The following PDE1A variants were observed in gnomAD, a reference collection of about 807,000 sequenced individuals.
PDE1A encodes the protein dual specificity calcium/calmodulin-dependent 3',5'-cyclic nucleotide phosphodiesterase 1A.
Under a neutral mutation model 61.7 loss-of-function variants are expected in PDE1A, and 35 were observed. That is an observed-to-expected ratio of 0.57 (90% CI 0.43 to 0.75). The LOEUF is 0.75. PDE1A is among the 30% of genes least tolerant of loss of function. The pLI is 0.00. For synonymous variants in PDE1A, 232 were observed against 213.2 expected (o/e 1.09, Z -0.77); for missense variants, 597 against 630.6 (o/e 0.95, Z 0.57).
intron 7 of PDE1A, among the ~76,000 whole-genome samples, chr2:182,220,786 C>T (rs17457344): frequency 0.034 from 5,183 of 152,078 alleles, 143 homozygotes; most frequent in South Asian, 0.093. Context: ...AAAAAACACT[C>T]TCAATCCAAG....
intron 2 of PDE1A, among the ~76,000 whole-genome samples, chr2:182,240,510 G>A (rs1463604625): frequency 6.6e-6 from 1 of 152,118 alleles, no homozygotes; most frequent in Non-Finnish European, 1.5e-5. Flanking sequence ...ATAGACTTGA[G>A]CATTTGCAGC....
At chr2:182,267,738 A>G (rs549110399) in intron 1 of PDE1A, among the ~76,000 whole-genome samples, 1 of 152,216 alleles carries the variant, frequency 6.6e-6, no homozygotes, top group South Asian at 2.1e-4. Flanking sequence ...CAAATTATAT[A>G]TACAACAATC....
downstream of PDE1A, among the ~76,000 whole-genome samples, chr2:182,166,492 C>G (rs1456376538): frequency 6.6e-6 from 1 of 152,084 alleles, no homozygotes; most frequent in African/African-American, 2.4e-5. Context: ...AACAGCCTCC[C>G]GGGAAGGGGG....
At chr2:182,467,043 C>A (rs1308274744) in intron 2 of PDE1A, among the ~76,000 whole-genome samples, 2 of 149,396 alleles carry the variant, frequency 1.3e-5, no homozygotes, top group East Asian at 2.0e-4. Flanking sequence ...GTATGCATAG[C>A]TTATATCTTG....
intron 1 of PDE1A, among the ~76,000 whole-genome samples, chr2:182,316,961 G>A (rs745671220): frequency 3.3e-5 from 5 of 152,090 alleles, no homozygotes; most frequent in Admixed American, 2.0e-4. Flanking sequence ...AAGGACAATC[G>A]TATTTTCATT....
chr2:182,269,641 C>A (rs540763510), intron 1 of PDE1A, among the ~76,000 whole-genome samples: 5 of 152,020 alleles, frequency 3.3e-5, no homozygotes, highest in African/African-American at 1.2e-4. Flanking sequence ...TAGATGCAAT[C>A]ATTGAGGAGG....
chr2:182,173,476 T>G (rs1158327544), intron 13 of PDE1A, among the ~76,000 whole-genome samples: 1 of 151,950 alleles, frequency 6.6e-6, no homozygotes. Flanking sequence ...TCTATTGTAC[T>G]GCTAACATGA....
At chr2:182,169,910 A>ACG (rs973652784) in intron 13 of PDE1A, among the ~76,000 whole-genome samples, 15 of 75,646 alleles carry the variant, frequency 2.0e-4, no homozygotes, top group African/African-American at 6.2e-4. Flanking sequence ...ACACACACAC[A>ACG]CACACACACA....
At chr2:182,684,517 G>C in the PDE1A span, among the ~76,000 whole-genome samples, 1 of 152,120 alleles carries the variant, frequency 6.6e-6, no homozygotes, top group African/African-American at 2.4e-5. Context: ...CTTTCCTGAA[G>C]AAGAAAATTC....
chr2:182,560,309 C>T, the PDE1A span, among the ~76,000 whole-genome samples: 14 of 147,536 alleles, frequency 9.5e-5, no homozygotes, highest in Admixed American at 3.5e-4. Flanking sequence ...TGAGAATATG[C>T]GGTGTTTGGT....
intron 1 of PDE1A, among the ~76,000 whole-genome samples, chr2:182,418,854 G>A (rs1420271915): frequency 6.6e-6 from 1 of 151,932 alleles, no homozygotes; most frequent in Non-Finnish European, 1.5e-5. Context: ...CCACCATCTG[G>A]CCACAGATGC....
chr2:182,331,311 C>T (rs1296613439), intron 1 of PDE1A, among the ~76,000 whole-genome samples: 2 of 152,180 alleles, frequency 1.3e-5, no homozygotes, highest in African/African-American at 4.8e-5. Context: ...TCCAATTTGC[C>T]AGTCTGTGTC....
chr2:182,386,385 C>G (rs1358094377), intron 1 of PDE1A, among the ~76,000 whole-genome samples: 1 of 151,762 alleles, frequency 6.6e-6, no homozygotes, highest in Non-Finnish European at 1.5e-5. Flanking sequence ...GCCGCCATCC[C>G]ATCTAAGAAG....
In PDE1A at chr2:182,399,543, T is replaced by C. The variant is rs546470358; in HGVS notation, c.53+27035A>G. ...TGAGTCTTCTCATTCCTTTTACCAA[T>C]ATCATCCCTCTAAGCTTATCAATTG... is the stretch of plus-strand genomic sequence containing the variant. On this transcript the variant is annotated intron_variant, in intron 1 of 13. Transcript: ENST00000351439. Among the ~76,000 whole-genome samples, 4 of 152,230 alleles carry C rather than the reference T, an allele frequency of 2.6e-5. No homozygotes were observed. The East Asian group carries it at 5.8e-4, about 22-fold the overall frequency.
intron 1 of PDE1A, among the ~76,000 whole-genome samples, chr2:182,288,841 CA>C (rs1694337926): frequency 1.3e-5 from 2 of 152,056 alleles, no homozygotes; most frequent in Admixed American, 6.6e-5. Context: ...AAATGATGCA[CA>C]TTAGAAGTTA....
intron 2 of PDE1A, among the ~76,000 whole-genome samples, chr2:182,476,165 G>T (rs1687349952): frequency 6.6e-6 from 1 of 151,844 alleles, no homozygotes; most frequent in Non-Finnish European, 1.5e-5. Context: ...GTATCCACAG[G>T]TTGGTTAACT....
intron 1 of PDE1A, among the ~76,000 whole-genome samples, chr2:182,370,467 T>A (rs1004886208): frequency 6.6e-6 from 1 of 152,216 alleles, no homozygotes; most frequent in Admixed American, 6.5e-5. Context: ...TGACTGTGCC[T>A]GAACTTTTAT....
At chr2:182,146,891 C>A, downstream of PDE1A, 3 of 399,722 alleles carry the variant, frequency 7.5e-6, no homozygotes, top group Non-Finnish European at 4.4e-6. Context: ...TAAAGTTTAC[C>A]TGTTAAGATT....
chr2:182,543,671 AAC>A, the PDE1A span, among the ~76,000 whole-genome samples: 1 of 152,152 alleles, frequency 6.6e-6, no homozygotes, highest in Non-Finnish European at 1.5e-5. Flanking sequence ...AAACATTGGA[AAC>A]AGTTCTTTTA....
Sources: gnomAD v4.1 joint callset for allele counts (sites outside exome capture counted in the v4.1 genomes callset) on GRCh38, gnomAD v4.1.1 for gene constraint, MANE v1.5 for transcripts, NCBI Gene and HGNC (gene_info 2026-07-23, HGNC 2026-07-21) for gene names.